The following ACR variants were observed in gnomAD, a reference collection of about 807,000 sequenced individuals.
ACR encodes the protein acrosin light and heavy chain prepropeptide.
Under a neutral mutation model 26.0 loss-of-function variants are expected in ACR, and 17 were observed. The ratio of observed to expected loss-of-function variants is 0.65; its 90% confidence interval spans 0.45 to 0.98. ACR has a LOEUF of 0.98. Among genes scored for constraint, ACR ranks in the 50% least tolerant of loss-of-function variants. ACR has a pLI of 0.00. For synonymous variants in ACR, 199 were observed against 207.7 expected (o/e 0.96, Z 0.36); for missense variants, 435 against 519.3 (o/e 0.84, Z 1.58).
intron 1 of ACR, among the ~76,000 whole-genome samples, chr22:50,738,529 C>T (rs543558926): frequency 1.3e-5 from 2 of 151,730 alleles, no homozygotes; most frequent in Non-Finnish European, 2.9e-5. Flanking sequence ...GCCTCTCCCA[C>T]TCCCCCAGGG....
At chr22:50,740,540 T>C (rs973859814) in intron 3 of ACR, 17 of 699,694 alleles carry the variant, frequency 2.4e-5, no homozygotes, top group African/African-American at 3.5e-5. Flanking sequence ...TCTGAGTTAC[T>C]TGACATTTGC....
rs1489058773 is a variant in ACR, at chr22:50,739,399, G to C, written c.206G>C (p.Arg69Thr). The C allele has an allele frequency of 3.1e-6, 5 of 1,614,202 alleles. No individual in the cohort carries two copies. The South Asian group carries it at 5.5e-5, about 18-fold the overall frequency. ...CAGATCTTCACGTACAACAGCCACAGGTACCACACATGTGGAGGCAGCTTG... is the reference window on the plus strand; with the variant it reads ...CAGATCTTCACGTACAACAGCCACACGTACCACACATGTGGAGGCAGCTTG... ...SLQIFTYNSH[R>T]YHTCGGSLLN... is the part of the protein sequence containing the mutation. The change falls in exon 2 of 5, where the codon AGG becomes ACG. Residue 69 changes from arginine (R) to threonine (T), a missense_variant. By Grantham distance (71) the Arg-to-Thr change is moderately conservative. Around this residue, in one of 3 missense-constraint regions of ACR, gnomAD observed 314 missense variants for 372.0 expected, o/e 0.84. Coordinates refer to ENST00000216139, the MANE Select transcript of ACR (RefSeq NM_001097.3). The surrounding 1 kb of genome is among the most constrained non-coding windows in gnomAD (Gnocchi z 5.5).
At chr22:50,740,334 C>T in intron 3 of ACR, 1 of 571,182 alleles carries the variant, frequency 1.8e-6, no homozygotes. Context: ...GGTTATGTGG[C>T]CGTATGACAG....
Position 50,744,708 on chromosome 22 carries a change from T to C in ACR, c.767T>C (p.Val256Ala). The C allele has an allele frequency of 6.2e-7, 1 of 1,613,324 alleles. No individual in the cohort carries two copies. Among genetic ancestry groups the C allele is most frequent in the South Asian group, 1.1e-5 (1 of 91,060 alleles). ...GACAGCAAGGAAAGCGCCTATGTGG[T>C]CGTGGGAATCACAAGCTGGGGGGTA... ...CKDSKESAYV[V>A]VGITSWGVGC... The change falls in exon 5 of 5, where the codon GTC becomes GCC. Residue 256 changes from valine to alanine, a missense_variant. Physicochemically the swap from Val to Ala is moderately conservative, Grantham distance 64. Transcript: ENST00000216139.
intron 3 of ACR, chr22:50,743,575 A>G (rs116139503): frequency 0.013 from 2,032 of 161,634 alleles, 35 homozygotes; most frequent in African/African-American, 0.047. Context: ...AGACTGTGGG[A>G]GTGGACAGTG....
intron 1 of ACR, among the ~76,000 whole-genome samples, chr22:50,738,760 C>T (rs983390237): frequency 3.0e-4 from 46 of 152,146 alleles, no homozygotes; most frequent in African/African-American, 1.1e-3. Flanking sequence ...ACACAGTTCC[C>T]AGAGCCTCCA....
intron 4 of ACR, 159 bp from the exon 5 acceptor site, chr22:50,744,494 A>C: frequency 2.6e-6 from 3 of 1,148,340 alleles, no homozygotes; most frequent in Non-Finnish European, 2.4e-6. Flanking sequence ...ATCCCAAATG[A>C]AGCCCCTGAC....
chr22:50,740,517 T>A (rs1322532138), intron 3 of ACR: 3 of 690,288 alleles, frequency 4.3e-6, no homozygotes, highest in Non-Finnish European at 7.9e-6. Context: ...TAGCACCAAA[T>A]CTACCCTCTC....
chr22:50,741,571 G>A (rs1213377686), intron 3 of ACR, among the ~76,000 whole-genome samples: 6 of 151,706 alleles, frequency 4.0e-5, no homozygotes, highest in African/African-American at 1.5e-4. Context: ...AACCTTTTTT[G>A]TTCTGGAATT....
chr22:50,739,539 G>A lies in ACR; in HGVS notation c.281+65G>A, dbSNP rs554850342. The stretch of plus-strand genomic sequence containing the variant: ...CTCTTCTCAGAGAGGGGCGTTCCCC[G>A]GGGATGCTGTGCAGCGTCTCCCTGG... On this transcript the variant is annotated intron_variant, in intron 2 of 4. Transcript: ENST00000216139. The surrounding 1 kb of genome is among the most constrained non-coding windows in gnomAD (Gnocchi z 5.5). 3.1e-5 allele frequency: 49 copies of A among 1,598,034 alleles called. No homozygotes were observed. The Middle Eastern group carries it at 5.1e-4, about 17-fold the overall frequency.
In ACR at chr22:50,739,170, C is replaced by T. The variant is rs1202829110; in HGVS notation, c.78-101C>T. 9.0e-7 allele frequency: 1 copy of T among 1,111,328 alleles called. No individual in the cohort carries two copies. The highest frequency in any genetic ancestry group is 1.3e-6 in the Non-Finnish European group (1 of 764,884). The allele number at this position is 1,111,328 out of a possible 1,614,324, so 68.8% of individuals were successfully genotyped here. On this transcript the variant is annotated intron_variant, in intron 1 of 4. Coordinates refer to ENST00000216139, the MANE Select transcript of ACR (RefSeq NM_001097.3). This position sits in a 1 kb window ranked among gnomAD's most constrained non-coding sequence, Gnocchi z 5.5. ...TTCCCAGAACCCGGAAGCTCTTCCC[C>T]ACTTTTCCCAACCCCATGTCCCTGC...
intron 3 of ACR, among the ~76,000 whole-genome samples, chr22:50,743,827 CCCTT>C (rs962821087): frequency 8.5e-5 from 13 of 152,204 alleles, no homozygotes; most frequent in African/African-American, 2.9e-4. Flanking sequence ...CGGGCCTCCA[CCCTT>C]CCTTCCTCTC....
intron 1 of ACR, among the ~76,000 whole-genome samples, chr22:50,738,799 C>A (rs538030731): frequency 1.2e-4 from 18 of 152,164 alleles, no homozygotes; most frequent in Non-Finnish European, 2.5e-4. Flanking sequence ...TCTCAGTGTG[C>A]CCCCTACACC....
intron 3 of ACR, among the ~76,000 whole-genome samples, chr22:50,742,412 C>T (rs1233711718): frequency 4.1e-5 from 6 of 147,754 alleles, no homozygotes; most frequent in Non-Finnish European, 7.5e-5. Context: ...GGCATGGTGG[C>T]GGGCGCCTGT....
At chr22:50,744,257 G>A (rs751888231) in intron 4 of ACR, 51 bp downstream of exon 4, 38 of 1,485,536 alleles carry the variant, frequency 2.6e-5, no homozygotes, top group East Asian at 1.8e-4. Flanking sequence ...GGACTCTCCC[G>A]GCCCCTGAGA....
chr22:50,742,518 T>C (rs1603447634), intron 3 of ACR, among the ~76,000 whole-genome samples: 1 of 140,376 alleles, frequency 7.1e-6, no homozygotes, highest in African/African-American at 2.7e-5. Context: ...CACTCCAGCC[T>C]GGGCGACAGA....
At chr22:50,740,448 C>T (rs1235174012) in intron 3 of ACR, 1 of 619,114 alleles carries the variant, frequency 1.6e-6, no homozygotes, top group African/African-American at 1.8e-5. Context: ...TTCCAGGGCC[C>T]AGCCTTCCTG....
At chr22:50,743,196 T>G (rs56807126) in intron 3 of ACR, among the ~76,000 whole-genome samples, 1 of 146,206 alleles carries the variant, frequency 6.8e-6, no homozygotes, top group African/African-American at 2.5e-5. Context: ...CCACCATGCC[T>G]GGCTAATTTT....
chr22:50,739,171 A>T lies in ACR; in HGVS notation c.78-100A>T. The T allele has an allele frequency of 1.8e-6, 2 of 1,129,090 alleles. No homozygotes were observed. Among genetic ancestry groups the T allele is most frequent in the East Asian group, 2.6e-5 (1 of 38,458 alleles). 69.9% of individuals were successfully genotyped at this position (1,129,090 alleles called of 1,614,324 possible). On this transcript the variant is annotated intron_variant, in intron 1 of 4. Transcript: ENST00000216139. The surrounding 1 kb of genome is among the most constrained non-coding windows in gnomAD (Gnocchi z 5.5). ...TCCCAGAACCCGGAAGCTCTTCCCC[A>T]CTTTTCCCAACCCCATGTCCCTGCC...
Sources: allele counts gnomAD v4.1 joint callset (sites outside exome capture counted in the v4.1 genomes callset), GRCh38; gene constraint gnomAD v4.1.1; regional missense constraint gnomAD v4.1.1; non-coding constraint Gnocchi (gnomAD v3.1); transcripts MANE v1.5; gene names NCBI Gene and HGNC (gene_info 2026-07-23, HGNC 2026-07-21).